The following ZNF558 variants were observed in gnomAD, a reference collection of about 807,000 sequenced individuals.
ZNF558 encodes the protein zinc finger protein 558.
Under a neutral mutation model 37.6 loss-of-function variants are expected in ZNF558, and 23 were observed. The ratio of observed to expected loss-of-function variants is 0.61; its 90% CI spans 0.44 to 0.87. ZNF558 has a LOEUF of 0.87. ZNF558 is among the 40% of genes least tolerant of loss of function. The pLI, the probability that ZNF558 is intolerant of heterozygous loss-of-function variation, is 0.00. For missense variants in ZNF558, 429 were observed against 483.7 expected, an observed-to-expected ratio of 0.89 and a Z score of 1.06; for synonymous variants, 189 against 174.4, an observed-to-expected ratio of 1.08 and a Z score of -0.66.
At chr19:8,815,576 T>C (rs1000894868) in intron 7 of ZNF558, among the ~76,000 whole-genome samples, 1 of 151,050 alleles carries the variant, frequency 6.6e-6, no homozygotes, top group Non-Finnish European at 1.5e-5. Context: ...CAACCAGGAG[T>C]TCAAGACCAG....
chr19:8,836,276 T>G (rs758056298), upstream of ZNF558, among the ~76,000 whole-genome samples: 2 of 152,150 alleles, frequency 1.3e-5, no homozygotes, highest in Non-Finnish European at 2.9e-5. Context: ...TGAGTGCTTC[T>G]TCCTCAAAAT....
chr19:8,816,894 A>G (rs1467566438), intron 7 of ZNF558, among the ~76,000 whole-genome samples: 9 of 152,230 alleles, frequency 5.9e-5, no homozygotes. Context: ...CAAAATTACT[A>G]AACAGAACAG....
intron 6 of ZNF558, 31 bp downstream of exon 6, chr19:8,821,972 A>G (rs754129101): frequency 3.1e-6 from 5 of 1,613,088 alleles, no homozygotes; most frequent in African/African-American, 2.7e-5. Context: ...CCAAAGGAAT[A>G]ATGATTTGGG....
intron 8 of ZNF558, 58 bp from the exon 9 acceptor site, chr19:8,812,701 A>G (rs2043826267): frequency 8.7e-7 from 1 of 1,152,466 alleles, no homozygotes; most frequent in African/African-American, 1.5e-5. Flanking sequence ...AAAAGTGTAC[A>G]CATGAGTAAA....
chr19:8,829,788 G>C (rs1206844421), intron 2 of ZNF558, among the ~76,000 whole-genome samples: 1 of 152,146 alleles, frequency 6.6e-6, no homozygotes, highest in Non-Finnish European at 1.5e-5. Flanking sequence ...TGCATGATAA[G>C]TAAACATTCC....
rs1352994378 is a variant in ZNF558, at chr19:8,811,192, A to G, written c.*89T>C. On this transcript the variant is annotated 3_prime_UTR_variant, in exon 10 of 10. Transcript: ENST00000601372. ...GGGATCATTTGTTATGCTGCAACAA[A>G]TAACTTATATATCCAGTGTGAGCTC... is the stretch of plus-strand genomic sequence containing the variant. 2.2e-6 allele frequency: 3 copies of G among 1,376,342 alleles called. No individual in the cohort carries two copies. Among genetic ancestry groups the G allele is most frequent in the Non-Finnish European group, 2.9e-6 (3 of 1,023,148 alleles). The allele number at this position is 1,376,342 out of a possible 1,614,324, so 85.3% of individuals were successfully genotyped here.
rs2043711288 is a variant in ZNF558, at chr19:8,807,296, G to C, written c.*3985C>G. The C allele has an allele frequency of 6.6e-6, 1 of 152,362 alleles. No homozygotes were observed. The highest frequency in any genetic ancestry group is 1.5e-5 in the Non-Finnish European group (1 of 68,220). The allele number at this position is 152,362 out of a possible 1,614,324, so 9.4% of individuals were successfully genotyped here. ...AGGTGTTAGAGCTCTGCCCTGCTAA[G>C]CTGCTGGGTGCTTTACAACTTTTTG... On this transcript the variant is annotated 3_prime_UTR_variant, in exon 10 of 10. Coordinates refer to ENST00000601372, the MANE Select transcript of ZNF558 (RefSeq NM_144693.3).
rs1373881361 is a variant in ZNF558, at chr19:8,811,014, T to C, written c.*267A>G. On this transcript the variant is annotated 3_prime_UTR_variant, in exon 10 of 10. Transcript: ENST00000601372. ...AGTGGACTGTTCATCAGTAAAGATGTTAGATGACTATAGCTTTGGCTGACA... is the reference window on the plus strand; with the variant it reads ...AGTGGACTGTTCATCAGTAAAGATGCTAGATGACTATAGCTTTGGCTGACA... The C allele has an allele frequency of 5.6e-6, 2 of 354,300 alleles. No homozygotes were observed. The highest frequency in any genetic ancestry group is 1.0e-5 in the Non-Finnish European group (2 of 195,122). The allele number at this position is 354,300 out of a possible 1,614,324, so 21.9% of individuals were successfully genotyped here.
At position 8,822,621 on chromosome 19, in the gene ZNF558, C is replaced by A. The variant is rs560827457; in HGVS notation, c.31+8G>T. On this transcript the variant is annotated splice_region_variant and intron_variant, in intron 5 of 9. Transcript: ENST00000601372. This position sits in a 1 kb window ranked among gnomAD's most constrained non-coding sequence, Gnocchi z 4.4. ...GACTCTGAGAAATGTCAGGACCCCA[C>A]GACTCACCAGCAGTCGAGGGCAGGA... 6.2e-7 allele frequency: 1 copy of A among 1,614,068 alleles called. No individual in the cohort carries two copies. The highest frequency in any genetic ancestry group is 1.7e-5 in the Admixed American group (1 of 60,026).
chr19:8,828,674 T>C (rs2044284151), intron 2 of ZNF558, among the ~76,000 whole-genome samples: 1 of 152,112 alleles, frequency 6.6e-6, no homozygotes, highest in Non-Finnish European at 1.5e-5. Context: ...TCAGAAATCC[T>C]TGCCTAGCCG....
At chr19:8,814,457 A>G (rs1555769607) in intron 7 of ZNF558, among the ~76,000 whole-genome samples, 1 of 152,208 alleles carries the variant, frequency 6.6e-6, no homozygotes, top group Non-Finnish European at 1.5e-5. Flanking sequence ...AAGCAAACAA[A>G]AGACTAACCG....
intron 2 of ZNF558, among the ~76,000 whole-genome samples, chr19:8,829,195 G>T (rs1291625384): frequency 3.3e-5 from 5 of 151,556 alleles, no homozygotes; most frequent in Non-Finnish European, 7.4e-5. Context: ...GGAGGCCGGG[G>T]GTTGCAGTGA....
chr19:8,819,556 A>G lies in ZNF558; in HGVS notation c.247+1624T>C, dbSNP rs570415640. 8.5e-5 allele frequency among the ~76,000 whole-genome samples: 13 copies of G among 152,354 alleles called. No homozygotes were observed. In the East Asian group the frequency reaches 2.5e-3, roughly 29 times the overall value. ...CACCCAAAGAATAGAGAAATCATTTATGTATTATATTTTGAATAAGGATTT... is the reference window on the plus strand; with the variant it reads ...CACCCAAAGAATAGAGAAATCATTTGTGTATTATATTTTGAATAAGGATTT... On this transcript the variant is annotated intron_variant, in intron 7 of 9. Transcript: ENST00000601372.
chr19:8,825,995 G>A (rs1198653053), intron 2 of ZNF558, among the ~76,000 whole-genome samples: 1 of 152,188 alleles, frequency 6.6e-6, no homozygotes, highest in African/African-American at 2.4e-5. Flanking sequence ...AAAGAAGGAT[G>A]GGATGAGATG....
Position 8,811,503 on chromosome 19 carries a change from G to GT in ZNF558, c.986_987insA (p.Phe329LeufsTer4). The GT allele has an allele frequency of 6.2e-7, 1 of 1,614,164 alleles. No homozygotes were observed. The highest frequency in any genetic ancestry group is 2.2e-5 in the East Asian group (1 of 44,880). On this transcript the variant is annotated frameshift_variant, in exon 10 of 10. Coordinates refer to ENST00000601372, the MANE Select transcript of ZNF558 (RefSeq NM_144693.3). LOFTEE classifies it high-confidence loss of function. ...GCACAGTAAGAGAAAAGCTACTGCT[G>GT]AAGGATTTCCCACACTCGTTACATT...
Position 8,810,842 on chromosome 19 carries a change from C to T in ZNF558, c.*439G>A, listed in dbSNP as rs2043767757. ...AGCCATTTTGGCCTCTGTATTGGTC[C>T]TCTCTTGGATCACTAACCTTGGCGA... On this transcript the variant is annotated 3_prime_UTR_variant, in exon 10 of 10. Transcript: ENST00000601372. The T allele has an allele frequency of 1.9e-5, 3 of 160,664 alleles. No individual in the cohort carries two copies. Among genetic ancestry groups the T allele is most frequent in the Admixed American group, 1.8e-4 (3 of 16,808 alleles). The allele number at this position is 160,664 out of a possible 1,614,324, so 10.0% of individuals were successfully genotyped here.
At chr19:8,834,237 A>G (rs1202041362), upstream of ZNF558, among the ~76,000 whole-genome samples, 1 of 152,216 alleles carries the variant, frequency 6.6e-6, no homozygotes, top group Non-Finnish European at 1.5e-5. Context: ...TCAAAATTCA[A>G]TATACTAGGA....
intron 2 of ZNF558, among the ~76,000 whole-genome samples, 154 bp from the exon 3 acceptor site, chr19:8,825,262 T>C (rs543640764): frequency 3.0e-4 from 45 of 152,340 alleles, no homozygotes; most frequent in Admixed American, 9.8e-4. Flanking sequence ...TCGCAGAGGA[T>C]TGAAAACACC....
At chr19:8,813,872 G>GA (rs1163287166) in intron 7 of ZNF558, among the ~76,000 whole-genome samples, 27 of 152,284 alleles carry the variant, frequency 1.8e-4, no homozygotes, top group Admixed American at 1.5e-3. Context: ...CATAAGGCAG[G>GA]AATTAGAGAC....
Sources: gnomAD v4.1 joint callset for allele counts (sites outside exome capture counted in the v4.1 genomes callset) on GRCh38, gnomAD v4.1.1 for gene constraint, Gnocchi (gnomAD v3.1) non-coding constraint, MANE v1.5 for transcripts, NCBI Gene and HGNC (gene_info 2026-07-23, HGNC 2026-07-21) for gene names.